CHUK: variants seen among roughly 807,000 people sequenced by gnomAD.
CHUK encodes the protein inhibitor of nuclear factor kappa-B kinase subunit alpha.
CHUK carries 35 observed loss-of-function variants against 104.8 expected under a neutral mutation model. The observed-to-expected ratio is 0.33, with a 90% confidence interval of 0.26 to 0.44. The LOEUF is 0.44. Among genes scored for constraint, CHUK ranks in the 20% least tolerant of loss-of-function variants. CHUK has a pLI of 1.00. For missense variants in CHUK, 663 were observed against 902.7 expected (o/e 0.73, Z 3.40); for synonymous variants, 276 against 291.9 (o/e 0.95, Z 0.56).
chr10:100,201,277 C>T (rs1450543818), intron 14 of CHUK, among the ~76,000 whole-genome samples: 5 of 152,018 alleles, frequency 3.3e-5, no homozygotes, highest in African/African-American at 7.3e-5. Flanking sequence ...AACTTAGGAC[C>T]GTGGACAAAT....
intron 2 of CHUK, among the ~76,000 whole-genome samples, chr10:100,225,609 A>G (rs1846086487): frequency 6.6e-6 from 1 of 152,170 alleles, no homozygotes; most frequent in African/African-American, 2.4e-5. Context: ...ATTTTTGTAT[A>G]TACCCAGAAA....
chr10:100,223,106 C>T (rs1846028224), intron 2 of CHUK, 126 bp from the exon 3 acceptor site: 7 of 555,414 alleles, frequency 1.3e-5, no homozygotes, highest in Admixed American at 1.3e-4. Context: ...TTATAATATT[C>T]TAATTTCTGA....
chr10:100,220,819 A>C (rs1845969348), intron 4 of CHUK, 143 bp from the exon 5 acceptor site: 1 of 630,672 alleles, frequency 1.6e-6, no homozygotes, highest in African/African-American at 1.9e-5. Context: ...TACAGTGTCC[A>C]GGTTTTCTTC....
chr10:100,208,217 C>T (rs1481574087), intron 10 of CHUK, among the ~76,000 whole-genome samples: 1 of 152,104 alleles, frequency 6.6e-6, no homozygotes, highest in Middle Eastern at 3.2e-3. Context: ...AGTGATTCTC[C>T]CACCTCAATC....
At position 100,202,102 on chromosome 10, in the gene CHUK, T is replaced by G. The variant is rs373881321; in HGVS notation, c.1555A>C (p.Ile519Leu). The G allele has an allele frequency of 1.2e-6, 2 of 1,611,846 alleles. No homozygotes were observed. The highest frequency in any genetic ancestry group is 4.5e-5 in the East Asian group (2 of 44,852). Residue 519 changes from isoleucine (I) to leucine (L), a missense_variant, in exon 14 of 21, where the codon ATC becomes CTC. Around this residue, in one of 5 missense-constraint regions of CHUK, gnomAD observed 311 missense variants for 393.4 expected, o/e 0.79. Transcript: ENST00000370397. ...KAWKEMEEKA[I>L]HYAEVGVIGY... Reference sequence around the variant, plus strand: ...AATGATTTTACCTCAGCATAGTGGATGGCCTTTTCTTCCATTTCTTTCCAT... The same window carrying G: ...AATGATTTTACCTCAGCATAGTGGAGGGCCTTTTCTTCCATTTCTTTCCAT...
rs556622418 is a variant in CHUK at position 100,201,816 on chromosome 10, A to G, written c.1569+272T>C. 9.9e-5 allele frequency among the ~76,000 whole-genome samples: 15 copies of G among 152,260 alleles called. No individual in the cohort carries two copies. In the South Asian group the frequency reaches 2.7e-3, roughly 27 times the overall value. The stretch of plus-strand genomic sequence containing the variant: ...TGCAGTGAGCTTTGATCATGCCACT[A>G]CACTCCAACCTGGGCAACAGAGTGA... On this transcript the variant is annotated intron_variant, in intron 14 of 20. Coordinates refer to ENST00000370397, the MANE Select transcript of CHUK (RefSeq NM_001278.5).
intron 13 of CHUK, among the ~76,000 whole-genome samples, chr10:100,202,715 T>A (rs947439853): frequency 1.3e-5 from 2 of 152,088 alleles, no homozygotes; most frequent in Admixed American, 1.3e-4. Context: ...TTCTTAAAAA[T>A]ATATATATTT....
intron 1 of CHUK, among the ~76,000 whole-genome samples, chr10:100,228,725 T>C (rs929626547): frequency 6.6e-6 from 1 of 152,170 alleles, no homozygotes; most frequent in African/African-American, 2.4e-5. Context: ...AAACATTCTC[T>C]ATTAAATCAA....
At chr10:100,202,292 C>T (rs945670903) in intron 13 of CHUK, 143 bp from the exon 14 acceptor site, 7 of 683,452 alleles carry the variant, frequency 1.0e-5, no homozygotes, top group African/African-American at 7.1e-5. Context: ...TTCCTAACCC[C>T]TAATACCTCA....
intron 19 of CHUK, 89 bp downstream of exon 19, chr10:100,193,209 G>T: frequency 7.0e-7 from 1 of 1,422,496 alleles, no homozygotes; most frequent in Non-Finnish European, 9.9e-7. Flanking sequence ...CTGGTCTGAA[G>T]GCACAGAAGA....
intron 20 of CHUK, chr10:100,189,954 C>T (rs1321349257): frequency 4.3e-6 from 1 of 232,436 alleles, no homozygotes; most frequent in Middle Eastern, 1.7e-3. Flanking sequence ...TCATGCAATC[C>T]TTCTGCCTCA....
chr10:100,193,015 T>C, intron 19 of CHUK: 1 of 423,712 alleles, frequency 2.4e-6, no homozygotes, highest in Non-Finnish European at 4.3e-6. Context: ...TAAGCAACAT[T>C]TGAGCTAATA....
chr10:100,192,809 A>G (rs1302277190), intron 19 of CHUK: 3 of 841,886 alleles, frequency 3.6e-6, no homozygotes, highest in African/African-American at 1.9e-5. Flanking sequence ...CACTGAAAAA[A>G]GTCTAATCTT....
intron 9 of CHUK, among the ~76,000 whole-genome samples, chr10:100,216,277 C>T (rs1845853592): frequency 6.6e-6 from 1 of 152,176 alleles, no homozygotes. Context: ...GAACTAAAGC[C>T]CTGCTTTCCT....
At chr10:100,214,265 A>T (rs1017871360) in intron 9 of CHUK, among the ~76,000 whole-genome samples, 1 of 152,190 alleles carries the variant, frequency 6.6e-6, no homozygotes, top group African/African-American at 2.4e-5. Context: ...GTAGGTACAT[A>T]CTATTGGTAC....
At chr10:100,229,376 A>G in intron 1 of CHUK, 52 bp downstream of exon 1, 1 of 1,372,194 alleles carries the variant, frequency 7.3e-7, no homozygotes, top group Non-Finnish European at 1.0e-6. Context: ...ACAGACGCTC[A>G]AACCCACCGC....
chr10:100,220,438 AC>A, intron 5 of CHUK, 149 bp downstream of exon 5: 2 of 645,914 alleles, frequency 3.1e-6, no homozygotes, highest in South Asian at 3.5e-5. Context: ...AAAAAACTAA[AC>A]ACAAAACTAC....
chr10:100,219,323 C>A lies in CHUK; in HGVS notation c.511G>T (p.Asp171Tyr). Residue 171 changes from aspartate to tyrosine, a missense_variant, in exon 6 of 21, where the codon GAT (aspartate) becomes TAT (tyrosine). Asp to Tyr is a radical substitution (Grantham distance 160, BLOSUM62 -3). Transcript: ENST00000370397. ...GTACACAGACTTCCTTGATCAACATCTTTGGCATATCCCAGATCAATTATT... is the reference window on the plus strand; with the variant it reads ...GTACACAGACTTCCTTGATCAACATATTTGGCATATCCCAGATCAATTATT... ...HKIIDLGYAK[D>Y]VDQGSLCTSF... 1 of 1,596,990 alleles carries A rather than the reference C, an allele frequency of 6.3e-7. No individual in the cohort carries two copies. The highest frequency in any genetic ancestry group is 8.6e-7 in the Non-Finnish European group (1 of 1,164,398).
intron 10 of CHUK, 118 bp downstream of exon 10, chr10:100,209,477 C>T: frequency 1.4e-6 from 1 of 707,350 alleles, no homozygotes; most frequent in South Asian, 1.5e-5. Context: ...GGGAGAAGGA[C>T]AAAACCAAAA....
Sources: allele counts gnomAD v4.1 joint callset (sites outside exome capture counted in the v4.1 genomes callset), GRCh38; gene constraint gnomAD v4.1.1; regional missense constraint gnomAD v4.1.1; transcripts MANE v1.5; gene names NCBI Gene and HGNC (gene_info 2026-07-23, HGNC 2026-07-21).